Variants in SRI observed in about 807,000 individuals in gnomAD.
SRI encodes the protein sorcin.
A neutral mutation model predicts 33.3 loss-of-function variants in SRI; 30 were observed. The observed-to-expected ratio is 0.90, with a 90% CI of 0.67 to 1.22. The LOEUF is 1.22. Ranked by LOEUF, SRI falls within the 50% of genes most tolerant of loss-of-function variation. SRI has a pLI of 0.00. For synonymous variants in SRI, 75 were observed against 89.9 expected (o/e 0.83, Z 0.94); for missense variants, 243 against 250.8 (o/e 0.97, Z 0.21).
rs183967956 is a variant in SRI at position 88,209,379 on chromosome 7, G to C, written c.471C>G (p.Asp157Glu). The C allele has an allele frequency of 2.5e-6, 4 of 1,613,882 alleles. No individual in the cohort carries two copies. Among genetic ancestry groups the C allele is most frequent in the Admixed American group, 1.7e-5 (1 of 59,994 alleles). The change falls in exon 6 of 8, where the codon GAC becomes GAG. Residue 157 changes from aspartate to glutamate, a missense_variant. Physicochemically the swap from Asp to Glu is conservative, Grantham distance 45. Transcript: ENST00000265729. ...RYSTNGKITF[D>E]DYIACCVKLR... ...GTTTGACGCAGCAGGCGATGTAGTC[G>C]TCGAAGGTGATCTTTCCATTGGTGC...
chr7:88,207,782 G>C (rs1477821206), intron 7 of SRI: 1 of 152,314 alleles, frequency 6.6e-6, no homozygotes, highest in Non-Finnish European at 1.5e-5. Context: ...CACAAGGACA[G>C]GAGATCGAGA....
intron 1 of SRI, chr7:88,219,510 C>A: frequency 5.2e-6 from 1 of 190,928 alleles, no homozygotes; most frequent in Non-Finnish European, 1.1e-5. Flanking sequence ...GCAGGTTTTC[C>A]CTTTTTTTCC....
upstream of SRI, among the ~76,000 whole-genome samples, chr7:88,223,619 T>C (rs549438532): frequency 1.9e-4 from 29 of 152,346 alleles, no homozygotes; most frequent in African/African-American, 7.0e-4. Flanking sequence ...CCAATGCAAC[T>C]TTATTTATAG....
At chr7:88,213,090 C>T (rs1442012410) in intron 3 of SRI, among the ~76,000 whole-genome samples, 2 of 152,178 alleles carry the variant, frequency 1.3e-5, no homozygotes, top group African/African-American at 2.4e-5. Context: ...AATCAATCAC[C>T]TTCTAAACAG....
At chr7:88,212,214 T>C (rs893063892) in intron 3 of SRI, among the ~76,000 whole-genome samples, 8 of 152,246 alleles carry the variant, frequency 5.3e-5, no homozygotes, top group African/African-American at 1.9e-4. Flanking sequence ...ACACATTTAA[T>C]AGATTCCTGT....
At chr7:88,223,434 C>T (rs1851933115), upstream of SRI, among the ~76,000 whole-genome samples, 1 of 152,014 alleles carries the variant, frequency 6.6e-6, no homozygotes, top group South Asian at 2.1e-4. Context: ...GGTAAAGGGC[C>T]AGGTAGTAAA....
intron 7 of SRI, among the ~76,000 whole-genome samples, chr7:88,207,286 TCTTTAGAAA>T (rs1274326347): frequency 6.6e-6 from 1 of 152,196 alleles, no homozygotes; most frequent in Non-Finnish European, 1.5e-5. Context: ...AGCCTTCTGA[TCTTTAGAAA>T]CAGCAAGGGG....
At chr7:88,210,158 T>C (rs778488388) in intron 4 of SRI, 28 bp from the exon 5 acceptor site, 3 of 1,613,114 alleles carry the variant, frequency 1.9e-6, no homozygotes, top group Non-Finnish European at 2.5e-6. Flanking sequence ...ATTAGAGCTG[T>C]ATTTTGCGAT....
chr7:88,225,811 C>T (rs905985249), intron 1 of SRI, among the ~76,000 whole-genome samples: 1 of 152,080 alleles, frequency 6.6e-6, no homozygotes, highest in African/African-American at 2.4e-5. Context: ...AAGCAATTGT[C>T]TAAAATAATG....
chr7:88,209,461 A>G lies in SRI; in HGVS notation c.398-9T>C. On this transcript the variant is annotated splice_polypyrimidine_tract_variant and intron_variant, in intron 5 of 7. Coordinates refer to ENST00000265729, the MANE Select transcript of SRI (RefSeq NM_003130.4). ...GGGACTCAACCTAAATCCTAAAAGA[A>G]AAGCCATCCAGTAAAAAGGTTAAAG... 6.2e-7 allele frequency: 1 copy of G among 1,605,636 alleles called. No individual in the cohort carries two copies. The highest frequency in any genetic ancestry group is 8.5e-7 in the Non-Finnish European group (1 of 1,172,242).
intron 7 of SRI, among the ~76,000 whole-genome samples, chr7:88,206,791 T>C (rs946200921): frequency 7.2e-5 from 11 of 152,116 alleles, no homozygotes; most frequent in African/African-American, 2.7e-4. Context: ...AAATTCCAAA[T>C]AATATCCAAG....
At chr7:88,211,452 C>T (rs578004811) in intron 3 of SRI, among the ~76,000 whole-genome samples, 16 of 149,862 alleles carry the variant, frequency 1.1e-4, no homozygotes, top group Non-Finnish European at 1.6e-4. Flanking sequence ...AAGACTCCAT[C>T]TCAAAAAAAA....
At chr7:88,222,903 G>T (rs1851920903), upstream of SRI, among the ~76,000 whole-genome samples, 2 of 151,920 alleles carry the variant, frequency 1.3e-5, no homozygotes, top group Non-Finnish European at 2.9e-5. Flanking sequence ...AACCCTAGAA[G>T]AAAACCTAGG....
upstream of SRI, chr7:88,220,054 G>T: frequency 2.0e-6 from 3 of 1,515,608 alleles, no homozygotes; most frequent in East Asian, 5.2e-5. Context: ...AGCCGCCCTC[G>T]CCCTGTGCGC....
At chr7:88,220,156 C>A (rs1309301548), upstream of SRI, 4 of 1,339,920 alleles carry the variant, frequency 3.0e-6, no homozygotes, top group East Asian at 6.3e-5. Flanking sequence ...GCTCCGCAGT[C>A]GTCTCCAGCT....
chr7:88,209,961 A>G, intron 5 of SRI, 22 bp downstream of exon 5: 1 of 1,614,042 alleles, frequency 6.2e-7, no homozygotes, highest in East Asian at 2.2e-5. Context: ...ATGAATGGAG[A>G]GTTCTAGTAA....
chr7:88,208,990 C>T (rs1851501964), intron 6 of SRI: 2 of 258,744 alleles, frequency 7.7e-6, no homozygotes, highest in African/African-American at 2.3e-5. Context: ...TCAGCTCTGC[C>T]CTATAGAAAA....
At chr7:88,210,858 G>A in intron 4 of SRI, 24 bp downstream of exon 4, 4 of 1,608,772 alleles carry the variant, frequency 2.5e-6, no homozygotes, top group Non-Finnish European at 3.4e-6. Flanking sequence ...AATTATTCTA[G>A]ACAACAATCA....
intron 3 of SRI, 77 bp from the exon 4 acceptor site, chr7:88,211,002 T>C (rs1226294265): frequency 1.3e-5 from 15 of 1,118,558 alleles, no homozygotes; most frequent in African/African-American, 1.6e-5. Flanking sequence ...TTCAAATTAA[T>C]TAGAAATATG....
Sources: allele counts gnomAD v4.1 joint callset (sites outside exome capture counted in the v4.1 genomes callset), GRCh38; gene constraint gnomAD v4.1.1; transcripts MANE v1.5; gene names NCBI Gene and HGNC (gene_info 2026-07-23, HGNC 2026-07-21).